The following RPS6KA5 variants were observed in gnomAD, a reference collection of about 807,000 sequenced individuals.
RPS6KA5 encodes ribosomal protein S6 kinase A5, also known as ribosomal protein S6 kinase alpha-5.
A neutral mutation model predicts 85.5 loss-of-function variants in RPS6KA5; 27 were observed. The observed-to-expected ratio is 0.32, with a 90% CI of 0.23 to 0.44. The LOEUF is 0.44. RPS6KA5 is among the 20% of genes least tolerant of loss of function. The pLI, the probability that RPS6KA5 is intolerant of heterozygous loss-of-function variation, is 1.00. For synonymous variants in RPS6KA5, 334 were observed against 348.2 expected, an observed-to-expected ratio of 0.96 and a Z score of 0.46; for missense variants, 811 against 980.9, an observed-to-expected ratio of 0.83 and a Z score of 2.31.
chr14:90,894,220 TAAAC>T (rs2140206753), intron 13 of RPS6KA5, 189 bp downstream of exon 13: 2 of 1,228,590 alleles, frequency 1.6e-6, no homozygotes, highest in Non-Finnish European at 2.0e-6. Context: ...TGGCAAAAAA[TAAAC>T]AAAGACAAAT....
chr14:90,934,804 C>G (rs2037174384), intron 5 of RPS6KA5, among the ~76,000 whole-genome samples: 1 of 152,110 alleles, frequency 6.6e-6, no homozygotes, highest in Non-Finnish European at 1.5e-5. Flanking sequence ...AAGGTCTGCT[C>G]AGATATCTGG....
At chr14:90,901,253 T>C (rs1436385343) in intron 9 of RPS6KA5, among the ~76,000 whole-genome samples, 2 of 152,132 alleles carry the variant, frequency 1.3e-5, no homozygotes, top group Non-Finnish European at 2.9e-5. Context: ...TATAGGCACA[T>C]GCCACCATGC....
intron 2 of RPS6KA5, among the ~76,000 whole-genome samples, chr14:90,980,460 C>A (rs555483786): frequency 6.6e-6 from 1 of 152,322 alleles, no homozygotes; most frequent in Admixed American, 6.5e-5. Context: ...TACATCTGTC[C>A]GCAACATAGG....
intron 12 of RPS6KA5, among the ~76,000 whole-genome samples, chr14:90,895,117 G>C (rs1458130615): frequency 1.3e-5 from 2 of 151,658 alleles, no homozygotes; most frequent in Admixed American, 1.3e-4. Context: ...TGACTGAGTA[G>C]AATGGGCAAC....
intron 8 of RPS6KA5, among the ~76,000 whole-genome samples, chr14:90,904,030 AG>A (rs1478595947): frequency 6.6e-6 from 1 of 151,854 alleles, no homozygotes; most frequent in African/African-American, 2.4e-5. Flanking sequence ...CACTACTACA[AG>A]CTCCACCTCC....
intron 14 of RPS6KA5, among the ~76,000 whole-genome samples, chr14:90,889,546 G>A (rs2034436760): frequency 6.6e-6 from 1 of 151,632 alleles, no homozygotes; most frequent in African/African-American, 2.4e-5. Context: ...CCTTCTTCTG[G>A]GAATCTATCC....
intron 1 of RPS6KA5, among the ~76,000 whole-genome samples, chr14:91,030,939 T>C (rs2042166151): frequency 6.6e-6 from 1 of 152,088 alleles, no homozygotes; most frequent in Admixed American, 6.5e-5. Context: ...AAATCCAGTA[T>C]CTAAGAGAAT....
chr14:90,984,242 T>C (rs879122615), intron 2 of RPS6KA5, among the ~76,000 whole-genome samples: 1 of 152,198 alleles, frequency 6.6e-6, no homozygotes, highest in Non-Finnish European at 1.5e-5. Flanking sequence ...TGAGGGAAAG[T>C]ACATTCTAAG....
At chr14:91,005,975 C>A (rs1171480156) in intron 1 of RPS6KA5, among the ~76,000 whole-genome samples, 1 of 152,060 alleles carries the variant, frequency 6.6e-6, no homozygotes, top group African/African-American at 2.4e-5. Context: ...CAGAAACAGA[C>A]CTGTTAGAAT....
intron 7 of RPS6KA5, among the ~76,000 whole-genome samples, chr14:90,907,220 A>G (rs1280102026): frequency 6.6e-6 from 1 of 152,240 alleles, no homozygotes; most frequent in East Asian, 1.9e-4. Flanking sequence ...GCATTAAAAT[A>G]TTAATAACCA....
At chr14:91,039,257 C>T (rs1566895487) in intron 1 of RPS6KA5, among the ~76,000 whole-genome samples, 2 of 152,194 alleles carry the variant, frequency 1.3e-5, no homozygotes, top group Non-Finnish European at 2.9e-5. Flanking sequence ...ACCAGTAAGT[C>T]ATCCACTCTG....
At chr14:90,989,139 C>A (rs556326978) in intron 2 of RPS6KA5, among the ~76,000 whole-genome samples, 2 of 152,096 alleles carry the variant, frequency 1.3e-5, no homozygotes, top group African/African-American at 4.8e-5. Flanking sequence ...ATAACCATAA[C>A]CCATGGTTAT....
chr14:90,999,374 C>T (rs549766301), intron 2 of RPS6KA5, among the ~76,000 whole-genome samples: 1 of 152,256 alleles, frequency 6.6e-6, no homozygotes, highest in Non-Finnish European at 1.5e-5. Context: ...GTAATCCATC[C>T]TGTCAGGCGC....
chr14:91,020,693 C>G (rs911161841), intron 1 of RPS6KA5, among the ~76,000 whole-genome samples: 4 of 150,546 alleles, frequency 2.7e-5, no homozygotes, highest in African/African-American at 9.8e-5. Context: ...TGGTCCTGGT[C>G]TCTGGAGAAG....
rs781462520 is a variant in RPS6KA5 at position 90,900,640 on chromosome 14, T to G, written c.1216A>C (p.Thr406Pro). 4 of 1,613,398 alleles carry G rather than the reference T, an allele frequency of 2.5e-6. No homozygotes were observed. The highest frequency in any genetic ancestry group is 2.7e-5 in the African/African-American group (2 of 74,898). The change falls in exon 10 of 17, where the codon ACA (threonine) becomes CCA (proline). Residue 406 changes from threonine to proline, a missense_variant. This residue lies in a region of RPS6KA5 where 650 missense variants were observed against 793.4 expected (regional missense o/e 0.82). Coordinates refer to ENST00000614987, the MANE Select transcript of RPS6KA5 (RefSeq NM_004755.4). ...FHMGVERPGV[T>P]NVARSAMMKD... ...ATCATTGCACTCCTGGCAACATTTG[T>G]CACTCCAGGACGTTCAACTCCCATG...
intron 2 of RPS6KA5, among the ~76,000 whole-genome samples, chr14:90,983,959 C>T (rs907966264): frequency 6.6e-5 from 10 of 152,200 alleles, no homozygotes; most frequent in African/African-American, 2.4e-4. Context: ...ATTCTCCCAT[C>T]CCAGCCTCCG....
chr14:90,945,053 A>G (rs2037801538), intron 4 of RPS6KA5, among the ~76,000 whole-genome samples: 1 of 151,844 alleles, frequency 6.6e-6, no homozygotes, highest in Admixed American at 6.6e-5. Context: ...GGAGTTTGAA[A>G]CTAGCCTGGG....
At chr14:90,909,804 A>T (rs771778958) in intron 7 of RPS6KA5, among the ~76,000 whole-genome samples, 2 of 152,078 alleles carry the variant, frequency 1.3e-5, no homozygotes, top group South Asian at 2.1e-4. Flanking sequence ...TATTATTATT[A>T]TTTTTTGAGA....
In RPS6KA5 at chr14:90,944,391, G is replaced by A. The variant is rs189287510; in HGVS notation, c.511-1206C>T. Among the ~76,000 whole-genome samples the A allele has an allele frequency of 4.0e-3, 610 of 152,312 alleles. 8 individuals carry two copies. The highest frequency in any genetic ancestry group is 0.014 in the African/African-American group (570 of 41,560). ...TAGACTTTGGAAGGCTGAGGCAGGA[G>A]GGTCACTTGAATCTGGGAGTTCAAG... On this transcript the variant is annotated intron_variant, in intron 4 of 16. Coordinates refer to ENST00000614987, the MANE Select transcript of RPS6KA5 (RefSeq NM_004755.4).
Sources: gnomAD v4.1 joint callset for allele counts (sites outside exome capture counted in the v4.1 genomes callset) on GRCh38, gnomAD v4.1.1 for gene constraint, gnomAD v4.1.1 regional missense constraint, MANE v1.5 for transcripts, NCBI Gene and HGNC (gene_info 2026-07-23, HGNC 2026-07-21) for gene names.